FREM2: variants seen among roughly 807,000 people sequenced by gnomAD.
FREM2 encodes the protein FRAS1-related extracellular matrix protein 2.
FREM2 carries 119 observed loss-of-function variants against 219.9 expected under a neutral mutation model. The observed-to-expected ratio is 0.54, with a 90% confidence interval of 0.47 to 0.63. The LOEUF (loss-of-function observed/expected upper bound fraction) is 0.63, where lower values mean the gene tolerates loss of function less well. Among genes scored for constraint, FREM2 ranks in the 30% least tolerant of loss-of-function variants. FREM2 has a pLI of 0.00. For synonymous variants in FREM2, 1,562 were observed against 1,522.8 expected (o/e 1.03, Z -0.60); for missense variants, 4,030 against 3,993.6 (o/e 1.01, Z -0.25).
chr13:38,837,774 TG>T (rs1396762982), intron 6 of FREM2, among the ~76,000 whole-genome samples: 2 of 143,240 alleles, frequency 1.4e-5, no homozygotes, highest in African/African-American at 2.8e-5. Flanking sequence ...GGTTTTTTTT[TG>T]TTTTGTTTTG....
intron 2 of FREM2, among the ~76,000 whole-genome samples, chr13:38,711,708 T>C (rs1210296820): frequency 6.6e-6 from 1 of 152,152 alleles, no homozygotes; most frequent in Admixed American, 6.6e-5. Context: ...GTCTTACTAC[T>C]TCCCAAAAAA....
intron 15 of FREM2, among the ~76,000 whole-genome samples, chr13:38,862,204 A>G (rs1298511340): frequency 6.6e-6 from 1 of 152,226 alleles, no homozygotes; most frequent in African/African-American, 2.4e-5. Context: ...GTTATATTTT[A>G]TGTAGCTAAG....
chr13:38,764,899 A>G (rs931073947), intron 3 of FREM2, among the ~76,000 whole-genome samples: 4 of 152,116 alleles, frequency 2.6e-5, no homozygotes, highest in South Asian at 2.1e-4. Flanking sequence ...TTCAACTCCA[A>G]TTCAAGTTCA....
chr13:38,736,130 G>T (rs1349818843), intron 2 of FREM2, among the ~76,000 whole-genome samples: 1 of 152,184 alleles, frequency 6.6e-6, no homozygotes, highest in Admixed American at 6.5e-5. Context: ...ATTCAGCCCA[G>T]CTTTTCTTTG....
At chr13:38,830,968 T>G (rs1309493239) in intron 6 of FREM2, among the ~76,000 whole-genome samples, 1 of 152,146 alleles carries the variant, frequency 6.6e-6, no homozygotes, top group Non-Finnish European at 1.5e-5. Context: ...AATGTTGGTT[T>G]TGTTGATTTA....
chr13:38,692,764 A>C (rs1869949949), intron 1 of FREM2, among the ~76,000 whole-genome samples: 1 of 152,224 alleles, frequency 6.6e-6, no homozygotes, highest in Admixed American at 6.5e-5. Context: ...CTGCCGAAGC[A>C]GGAGGTGAAC....
rs1389240492 is a variant in FREM2, at chr13:38,851,013, G to A, written c.6647G>A (p.Arg2216His). The A allele has an allele frequency of 9.9e-6, 16 of 1,613,896 alleles. No homozygotes were observed. The highest frequency in any genetic ancestry group is 1.7e-4 in the Middle Eastern group (1 of 5,922). ...DVLYEEVEEL[R>H]LVLGTPQSNS... ...CTCTATGAGGAGGTAGAGGAGCTCCGCCTGGTACTCGGCACTCCACAAAGC... is the reference window on the plus strand; with the variant it reads ...CTCTATGAGGAGGTAGAGGAGCTCCACCTGGTACTCGGCACTCCACAAAGC... Residue 2216 changes from arginine (R) to histidine (H), a missense_variant, in exon 10 of 24, where the codon CGC becomes CAC. By Grantham distance (29) the Arg-to-His change is conservative. Transcript: ENST00000280481.
chr13:38,791,432 T>C (rs1874556571), intron 6 of FREM2, among the ~76,000 whole-genome samples: 1 of 152,160 alleles, frequency 6.6e-6, no homozygotes, highest in South Asian at 2.1e-4. Context: ...CAAAAAGCAT[T>C]GTATTAGTCA....
At chr13:38,774,630 G>A (rs912127104) in intron 4 of FREM2, among the ~76,000 whole-genome samples, 2 of 152,100 alleles carry the variant, frequency 1.3e-5, no homozygotes, top group South Asian at 2.1e-4. Context: ...GCTCTTTAAA[G>A]CATATAGATA....
intron 2 of FREM2, among the ~76,000 whole-genome samples, chr13:38,706,925 C>T (rs1315667605): frequency 1.3e-5 from 2 of 152,146 alleles, no homozygotes; most frequent in African/African-American, 4.8e-5. Context: ...ATGCATGAAT[C>T]ACACACATGA....
At chr13:38,785,351 A>T (rs1383031088) in intron 6 of FREM2, among the ~76,000 whole-genome samples, 1 of 152,230 alleles carries the variant, frequency 6.6e-6, no homozygotes, top group Admixed American at 6.5e-5. Flanking sequence ...TGAAGTAGAA[A>T]TAGAGAAGGG....
intron 2 of FREM2, among the ~76,000 whole-genome samples, chr13:38,744,998 T>C (rs145928599): frequency 6.5e-4 from 99 of 152,310 alleles, no homozygotes; most frequent in African/African-American, 2.3e-3. Context: ...GCACTAGAAG[T>C]CAAACAGTAT....
intron 2 of FREM2, among the ~76,000 whole-genome samples, chr13:38,716,087 G>A (rs1002467535): frequency 6.6e-6 from 1 of 152,132 alleles, no homozygotes; most frequent in Non-Finnish European, 1.5e-5. Flanking sequence ...ACACTAGGGA[G>A]ATATGACTCT....
intron 6 of FREM2, among the ~76,000 whole-genome samples, chr13:38,833,873 G>T (rs1309985536): frequency 1.3e-5 from 2 of 151,990 alleles, no homozygotes; most frequent in Non-Finnish European, 2.9e-5. Context: ...CACTCCTTTG[G>T]CTTCACCTAC....
intron 1 of FREM2, among the ~76,000 whole-genome samples, chr13:38,696,596 A>G (rs1314852428): frequency 6.6e-6 from 1 of 152,212 alleles, no homozygotes; most frequent in Non-Finnish European, 1.5e-5. Context: ...TTAATGATCT[A>G]TTATGAGTAT....
chr13:38,864,403 G>GTAAT lies in FREM2; in HGVS notation c.7780_7781insTAAT (p.Gly2594ValfsTer6). The GTAAT allele has an allele frequency of 6.2e-7, 1 of 1,614,062 alleles. No individual in the cohort carries two copies. On this transcript the variant is annotated frameshift_variant, in exon 16 of 24. Coordinates refer to ENST00000280481, the MANE Select transcript of FREM2 (RefSeq NM_207361.6). LOFTEE classifies it high-confidence loss of function. The stretch of plus-strand genomic sequence containing the variant: ...TTATACTGAAGTGAAGACTCATTAT[G>GTAAT]GTTTCTTGACTGATGCTACCAAAAA...
chr13:38,710,470 A>G (rs1300510629), intron 2 of FREM2, among the ~76,000 whole-genome samples: 1 of 152,184 alleles, frequency 6.6e-6, no homozygotes, highest in Admixed American at 6.5e-5. Context: ...CCAAGTTTTC[A>G]TTAAACTTTC....
At chr13:38,766,638 C>A (rs79547326) in intron 3 of FREM2, among the ~76,000 whole-genome samples, 1 of 152,068 alleles carries the variant, frequency 6.6e-6, no homozygotes, top group African/African-American at 2.4e-5. Context: ...AGCTAAGAAA[C>A]CATGAATTAC....
At chr13:38,787,462 AC>A (rs1363892957) in intron 6 of FREM2, among the ~76,000 whole-genome samples, 2 of 152,154 alleles carry the variant, frequency 1.3e-5, no homozygotes, top group Non-Finnish European at 2.9e-5. Context: ...TTCCATTGCC[AC>A]CAATTTAACC....
Sources: allele counts gnomAD v4.1 joint callset (sites outside exome capture counted in the v4.1 genomes callset), GRCh38; gene constraint gnomAD v4.1.1; transcripts MANE v1.5; gene names NCBI Gene and HGNC (gene_info 2026-07-23, HGNC 2026-07-21).